The following BAIAP2 variants were observed in gnomAD, a reference collection of about 807,000 sequenced individuals.
The protein encoded by BAIAP2 is BAR/IMD domain-containing adapter protein 2.
Under a neutral mutation model 63.0 loss-of-function variants are expected in BAIAP2, and 18 were observed. That is an observed-to-expected ratio of 0.29 (90% CI 0.20 to 0.42). BAIAP2 has a LOEUF of 0.42. Ranked by LOEUF, BAIAP2 falls within the 10% of genes least tolerant of loss-of-function variation. The probability of loss-of-function intolerance (pLI) is 1.00; values close to 1 mark genes in which losing one functional copy is unlikely to be tolerated. For synonymous variants in BAIAP2, 386 were observed against 307.6 expected, an observed-to-expected ratio of 1.25 and a Z score of -2.67; for missense variants, 610 against 734.3, an observed-to-expected ratio of 0.83 and a Z score of 1.96.
At position 81,084,872 on chromosome 17, in the gene BAIAP2, C is replaced by A; in HGVS notation, c.258C>A (p.Ile86=). Residue 86 remains isoleucine (I), a synonymous_variant, in exon 4 of 14, where the codon ATC becomes ATA. Transcript: ENST00000428708. The part of the protein sequence containing the change: ...LFQMAEVHRQ[I]QNQLEEMLKS... ...AGATGGCTGAAGTCCACAGGCAGAT[C>A]CAGAATCAGCTGGAAGAAATGGTGA... 6.2e-7 allele frequency: 1 copy of A among 1,613,878 alleles called. No homozygotes were observed. The highest frequency in any genetic ancestry group is 8.5e-7 in the Non-Finnish European group (1 of 1,180,020).
At chr17:81,091,756 AG>A (rs1307516498) in intron 6 of BAIAP2, among the ~76,000 whole-genome samples, 1 of 152,244 alleles carries the variant, frequency 6.6e-6, no homozygotes, top group Non-Finnish European at 1.5e-5. Context: ...GTGTCCAGCC[AG>A]GGGCGTGAGT....
At chr17:81,038,294 T>C (rs756593830) in intron 1 of BAIAP2, among the ~76,000 whole-genome samples, 26 of 152,156 alleles carry the variant, frequency 1.7e-4, no homozygotes, top group Non-Finnish European at 3.5e-4. Context: ...TGGCTGTGTC[T>C]CCTGGAATGC....
rs1033687936 is a variant in BAIAP2 at position 81,108,693 on chromosome 17, C to T, written c.1535+184C>T. Reference sequence around the variant, plus strand: ...CTGCTTTCTCCGAGTGACACGGGAACCCCCCTGGGCCCTGCCCCTCTTTCA... The same window carrying T: ...CTGCTTTCTCCGAGTGACACGGGAATCCCCCTGGGCCCTGCCCCTCTTTCA... On this transcript the variant is annotated intron_variant, in intron 13 of 13. Coordinates refer to ENST00000428708, the MANE Select transcript of BAIAP2 (RefSeq NM_001144888.2). 897 of 856,922 alleles carry T rather than the reference C, an allele frequency of 1.0e-3. 1 individual carries two copies. Among genetic ancestry groups the T allele is most frequent in the Non-Finnish European group, 1.2e-3 (668 of 560,904 alleles). The allele number at this position is 856,922 out of a possible 1,614,324, so 53.1% of individuals were successfully genotyped here.
chr17:81,104,218 TTATGTGACCG>T, intron 9 of BAIAP2, 110 bp downstream of exon 9: 1 of 1,214,942 alleles, frequency 8.2e-7, no homozygotes, highest in South Asian at 1.4e-5. Context: ...AGGCTCACAA[TTATGTGACCG>T]TGTGTACCTA....
At chr17:81,070,393 C>G (rs539856282) in intron 3 of BAIAP2, among the ~76,000 whole-genome samples, 1 of 152,218 alleles carries the variant, frequency 6.6e-6, no homozygotes, top group Non-Finnish European at 1.5e-5. Flanking sequence ...TGTGCTCTGC[C>G]GGGCAACCTT....
At position 81,093,870 on chromosome 17, in the gene BAIAP2, G is replaced by A. The variant is rs533371117; in HGVS notation, c.490-6058G>A. 1.4e-4 allele frequency among the ~76,000 whole-genome samples: 22 copies of A among 152,288 alleles called. No individual in the cohort carries two copies. The South Asian group carries it at 3.9e-3, about 27-fold the overall frequency. On this transcript the variant is annotated intron_variant, in intron 6 of 13. Coordinates refer to ENST00000428708, the MANE Select transcript of BAIAP2 (RefSeq NM_001144888.2). ...GCGTGGAGTCTGGCGACGTGCGGGG[G>A]GTGTGAAGCCCATCCTCGTTTTCAC...
At chr17:81,036,933 G>A (rs2046354446) in intron 1 of BAIAP2, 1 of 1,535,818 alleles carries the variant, frequency 6.5e-7, no homozygotes, top group African/African-American at 1.4e-5. Context: ...CCAGAAAGCA[G>A]GAACTTTCGT....
At chr17:81,048,569 A>G (rs1326395463) in intron 1 of BAIAP2, among the ~76,000 whole-genome samples, 1 of 151,818 alleles carries the variant, frequency 6.6e-6, no homozygotes, top group Non-Finnish European at 1.5e-5. Context: ...GCCGGCCCGT[A>G]GCACTGAATC....
intron 1 of BAIAP2, chr17:81,036,747 G>A (rs1033494050): frequency 1.1e-6 from 1 of 877,786 alleles, no homozygotes; most frequent in African/African-American, 1.7e-5. Context: ...TGGTTTCACA[G>A]AGTCTGTGGC....
chr17:81,100,465 G>A (rs921522505), intron 7 of BAIAP2, among the ~76,000 whole-genome samples: 3 of 152,178 alleles, frequency 2.0e-5, no homozygotes, highest in Middle Eastern at 3.2e-3. Flanking sequence ...CCTGGTGGGT[G>A]GCCTCTGTGT....
chr17:81,070,566 A>G (rs2052421480), intron 3 of BAIAP2, among the ~76,000 whole-genome samples: 1 of 152,152 alleles, frequency 6.6e-6, no homozygotes. Flanking sequence ...TTCCTAGTGG[A>G]CGCGGGGGCA....
intron 13 of BAIAP2, among the ~76,000 whole-genome samples, chr17:81,115,356 GGGCCT>G (rs2060415154): frequency 6.6e-6 from 1 of 152,232 alleles, no homozygotes; most frequent in Non-Finnish European, 1.5e-5. Flanking sequence ...CCCTGGGTGT[GGGCCT>G]GGCCTGGTGG....
chr17:81,079,084 G>T (rs201197780), intron 3 of BAIAP2, among the ~76,000 whole-genome samples: 2 of 152,164 alleles, frequency 1.3e-5, no homozygotes, highest in African/African-American at 4.8e-5. Context: ...GGCCCTCTCC[G>T]CCAGGTGCTG....
At chr17:81,044,661 G>A (rs1273462003) in intron 1 of BAIAP2, among the ~76,000 whole-genome samples, 1 of 152,216 alleles carries the variant, frequency 6.6e-6, no homozygotes, top group African/African-American at 2.4e-5. Context: ...TGCTGGAGGG[G>A]CCGAGTCTCC....
rs145266543 is a variant in BAIAP2, at chr17:81,057,789, G to A, written c.131-92G>A. On this transcript the variant is annotated intron_variant, in intron 2 of 13. Transcript: ENST00000428708. ...GCTTGTCTGGGCAGGAGACAGGGTTGGGCCTGTGCGTGCCAAGACTGCCGT... is the reference window on the plus strand; with the variant it reads ...GCTTGTCTGGGCAGGAGACAGGGTTAGGCCTGTGCGTGCCAAGACTGCCGT... 1.0e-5 allele frequency: 15 copies of A among 1,500,332 alleles called. No homozygotes were observed. In the African/African-American group the frequency reaches 1.9e-4, roughly 19 times the overall value. The allele number at this position is 1,500,332 out of a possible 1,614,324, so 92.9% of individuals were successfully genotyped here. A position where few individuals can be genotyped will look rare whatever the true frequency, so the allele number is the denominator to read the frequency against.
chr17:81,071,390 GGGT>G (rs2052627724), intron 3 of BAIAP2, among the ~76,000 whole-genome samples: 1 of 152,196 alleles, frequency 6.6e-6, no homozygotes, highest in African/African-American at 2.4e-5. Context: ...CTGCCCAGGT[GGGT>G]GGTGATGAGC....
chr17:81,086,699 G>A, intron 6 of BAIAP2, 119 bp downstream of exon 6: 1 of 1,209,688 alleles, frequency 8.3e-7, no homozygotes, highest in Non-Finnish European at 1.2e-6. Context: ...GACAGAGGCA[G>A]GCTGTGTGTC....
At chr17:81,036,230 CT>C (rs142882938) in intron 1 of BAIAP2, among the ~76,000 whole-genome samples, 7,473 of 152,178 alleles carry the variant, frequency 0.049, 352 homozygotes, top group East Asian at 0.28. Context: ...GGAGCATTTT[CT>C]CAGAGGAGAA....
In BAIAP2 at chr17:81,109,135, G is replaced by T; in HGVS notation, c.1535+626G>T. ...TCCACCTGCCCCATGCCTTTTGGTT[G>T]GTGACCCCAGACTCTGTGATCCCCC... On this transcript the variant is annotated intron_variant, in intron 13 of 13. Coordinates refer to ENST00000428708, the MANE Select transcript of BAIAP2 (RefSeq NM_001144888.2). The T allele has an allele frequency of 2.8e-6, 4 of 1,451,240 alleles. No individual in the cohort carries two copies. In the South Asian group the frequency reaches 5.7e-5, roughly 21 times the overall value. 89.9% of individuals were successfully genotyped at this position (1,451,240 alleles called of 1,614,324 possible).
Sources: allele counts gnomAD v4.1 joint callset (sites outside exome capture counted in the v4.1 genomes callset), GRCh38; gene constraint gnomAD v4.1.1; transcripts MANE v1.5; gene names NCBI Gene and HGNC (gene_info 2026-07-23, HGNC 2026-07-21).